HDAC4: variants seen among roughly 807,000 people sequenced by gnomAD.
The protein encoded by HDAC4 is histone deacetylase A.
In HDAC4, 16 loss-of-function variants were observed where a neutral mutation model predicts 135.1. The ratio of observed to expected loss-of-function variants is 0.12; its 90% CI spans 0.08 to 0.18. HDAC4 has a LOEUF of 0.18. Ranked by LOEUF, HDAC4 falls within the 10% of genes least tolerant of loss-of-function variation. HDAC4 has a pLI of 1.00. For missense variants in HDAC4, 1,143 were observed against 1,511.8 expected, an observed-to-expected ratio of 0.76 and a Z score of 4.05; for synonymous variants, 685 against 653.4, an observed-to-expected ratio of 1.05 and a Z score of -0.74.
In HDAC4 at chr2:239,329,081, G is replaced by A. The variant is rs574889430; in HGVS notation, c.22+23597C>T. Among the ~76,000 whole-genome samples the A allele has an allele frequency of 1.4e-4, 22 of 152,338 alleles. No individual in the cohort carries two copies. The South Asian group carries it at 4.4e-3, about 30-fold the overall frequency. ...CCAGGACCCACAGGCAGAGCCCAGG[G>A]CCAACTCCTGGCCCCAGATGGAGGC... On this transcript the variant is annotated intron_variant, in intron 2 of 26. Coordinates refer to ENST00000543185, the MANE Select transcript of HDAC4 (RefSeq NM_001378414.1).
chr2:239,389,499 G>T (rs1182886508), intron 1 of HDAC4, among the ~76,000 whole-genome samples: 1 of 152,110 alleles, frequency 6.6e-6, no homozygotes, highest in Non-Finnish European at 1.5e-5. Context: ...TCACCGCAAA[G>T]GTCTGCAGCT....
chr2:239,397,904 C>A (rs1696672178), intron 1 of HDAC4, among the ~76,000 whole-genome samples: 1 of 152,210 alleles, frequency 6.6e-6, no homozygotes, highest in Non-Finnish European at 1.5e-5. Context: ...CACGGCAGGG[C>A]ATATGCTGAC....
chr2:239,068,655 G>T lies in HDAC4; in HGVS notation c.2751-48C>A. 6.6e-7 allele frequency: 1 copy of T among 1,507,078 alleles called. No homozygotes were observed. The highest frequency in any genetic ancestry group is 9.2e-7 in the Non-Finnish European group (1 of 1,083,200). 93.4% of individuals were successfully genotyped at this position (1,507,078 alleles called of 1,614,324 possible). ...TTACTGGGTCAGCTGAAAGAGGGACGGGACGGTCACAAAACCCCAAGGTTC... is the reference window on the plus strand; with the variant it reads ...TTACTGGGTCAGCTGAAAGAGGGACTGGACGGTCACAAAACCCCAAGGTTC... On this transcript the variant is annotated intron_variant, in intron 22 of 26. Transcript: ENST00000543185. The surrounding 1 kb of genome is among the most constrained non-coding windows in gnomAD (Gnocchi z 4.4).
At chr2:239,339,653 T>G (rs1332697210) in intron 2 of HDAC4, among the ~76,000 whole-genome samples, 5 of 152,168 alleles carry the variant, frequency 3.3e-5, no homozygotes, top group African/African-American at 1.2e-4. Context: ...GAACCACACA[T>G]GTGGCCCGCG....
intron 3 of HDAC4, among the ~76,000 whole-genome samples, chr2:239,210,922 T>C (rs1029026062): frequency 3.9e-5 from 6 of 152,148 alleles, no homozygotes; most frequent in Non-Finnish European, 7.4e-5. Context: ...GGCCAACTCT[T>C]AAAGGGGATT....
intron 2 of HDAC4, among the ~76,000 whole-genome samples, chr2:239,333,137 T>C (rs1691698107): frequency 6.6e-6 from 1 of 152,206 alleles, no homozygotes; most frequent in Non-Finnish European, 1.5e-5. Flanking sequence ...AAATAGCATC[T>C]TTCCTACATA....
intron 6 of HDAC4, among the ~76,000 whole-genome samples, chr2:239,158,910 ACT>A (rs948958491): frequency 2.0e-5 from 3 of 151,272 alleles, no homozygotes; most frequent in African/African-American, 4.9e-5. Context: ...GCACACAATT[ACT>A]CTCACTCACA....
At chr2:239,132,340 C>T (rs188300684) in intron 11 of HDAC4, among the ~76,000 whole-genome samples, 17 of 152,320 alleles carry the variant, frequency 1.1e-4, no homozygotes, top group African/African-American at 2.2e-4. Context: ...ACGCTGCACA[C>T]GTGACACTGG....
chr2:239,156,633 A>C lies in HDAC4; in HGVS notation c.733+19T>G. 1 of 1,614,042 alleles carries C rather than the reference A, an allele frequency of 6.2e-7. No homozygotes were observed. The highest frequency in any genetic ancestry group is 1.3e-5 in the African/African-American group (1 of 75,048). ...CCGTGCAGGAGACCTCCCGGCCCAC[A>C]GCATGCCTGGGCACTGACCTGTTTT... On this transcript the variant is annotated intron_variant, in intron 7 of 26. Transcript: ENST00000543185.
At chr2:239,200,241 C>T (rs890761476) in intron 3 of HDAC4, among the ~76,000 whole-genome samples, 2 of 152,140 alleles carry the variant, frequency 1.3e-5, no homozygotes, top group Non-Finnish European at 2.9e-5. Context: ...TGGAGAGCAC[C>T]TCGCGCTGAA....
At chr2:239,126,750 A>G in intron 11 of HDAC4, 56 bp from the exon 12 acceptor site, 4 of 1,562,424 alleles carry the variant, frequency 2.6e-6, no homozygotes, top group Non-Finnish European at 3.5e-6. Context: ...GAGAGGAGGG[A>G]GAGAGGGCTA....
chr2:239,087,565 G>A lies in HDAC4; in HGVS notation c.2438C>T (p.Thr813Met), dbSNP rs772980393. 2 of 1,613,600 alleles carry A rather than the reference G, an allele frequency of 1.2e-6. No individual in the cohort carries two copies. The highest frequency in any genetic ancestry group is 8.5e-7 in the Non-Finnish European group (1 of 1,179,864). The change falls in exon 19 of 27, where the codon ACG (threonine) becomes ATG (methionine). Residue 813 changes from threonine to methionine, a missense_variant. Coordinates refer to ENST00000543185, the MANE Select transcript of HDAC4 (RefSeq NM_001378414.1). ...RPPGHHAEES[T>M]PMGFCYFNSV... Reference sequence around the variant, plus strand: ...GGCTGCGGCGTGTACTCACATGGGCGTGCTCTCCTCCGCATGGTGTCCAGG... The same window carrying A: ...GGCTGCGGCGTGTACTCACATGGGCATGCTCTCCTCCGCATGGTGTCCAGG...
intron 3 of HDAC4, among the ~76,000 whole-genome samples, chr2:239,215,350 A>T: frequency 6.6e-6 from 1 of 152,188 alleles, no homozygotes; most frequent in East Asian, 1.9e-4. Context: ...GGCAACAGGG[A>T]GTCACTGGTG....
chr2:239,227,572 GGACA>G (rs2047312511), intron 3 of HDAC4, among the ~76,000 whole-genome samples: 1 of 152,188 alleles, frequency 6.6e-6, no homozygotes, highest in African/African-American at 2.4e-5. Context: ...GGCAGAGCCT[GGACA>G]GACAGACAAG....
In HDAC4 at chr2:239,156,719, C is replaced by T. The variant is rs779462699; in HGVS notation, c.666G>A (p.Ser222=). The part of the protein sequence containing the change: ...DQSSPPQSGV[S]TSYNHPVLGM... ...CCAGGACCGGGTGGTTATAGGAGGTCGACACTCCGCTCTGGGGTGGAGAAC... is the reference window on the plus strand; with the variant it reads ...CCAGGACCGGGTGGTTATAGGAGGTTGACACTCCGCTCTGGGGTGGAGAAC... Residue 222 remains serine (S), a synonymous_variant, in exon 7 of 27, where the codon TCG becomes TCA. Coordinates refer to ENST00000543185, the MANE Select transcript of HDAC4 (RefSeq NM_001378414.1). 23 of 1,613,938 alleles carry T rather than the reference C, an allele frequency of 1.4e-5. No homozygotes were observed. Among genetic ancestry groups the T allele is most frequent in the Admixed American group, 1.3e-4 (8 of 59,996 alleles).
chr2:239,226,794 C>T (rs1285279625), intron 3 of HDAC4, among the ~76,000 whole-genome samples: 1 of 152,226 alleles, frequency 6.6e-6, no homozygotes, highest in Non-Finnish European at 1.5e-5. Context: ...CCGGCAGGCT[C>T]ACGGGTGGGG....
intron 1 of HDAC4, among the ~76,000 whole-genome samples, chr2:239,376,213 G>C (rs886518574): frequency 6.6e-6 from 1 of 151,404 alleles, no homozygotes; most frequent in African/African-American, 2.4e-5. Flanking sequence ...AAACAAGGCA[G>C]GTGCTGTGTG....
rs375565547 is a variant in HDAC4, at chr2:239,111,568, C to T, written c.1936G>A (p.Val646Met). ...QSSPASATFPVSVQEPPTKPR... is the reference protein window; with the variant it reads ...QSSPASATFPMSVQEPPTKPR... ...TTGGTGGGGGGCTCCTGCACAGACA[C>T]GGGGAAGGTGGCAGACGCGGGTGAG... Residue 646 changes from valine to methionine, a missense_variant, in exon 14 of 27, where the codon GTG becomes ATG. Physicochemically the swap from Val to Met is conservative, Grantham distance 21. Transcript: ENST00000543185. 23 of 1,612,254 alleles carry T rather than the reference C, an allele frequency of 1.4e-5. No homozygotes were observed. The highest frequency in any genetic ancestry group is 1.3e-4 in the African/African-American group (10 of 74,940).
At chr2:239,199,206 C>T (rs922734659) in intron 3 of HDAC4, among the ~76,000 whole-genome samples, 2 of 151,704 alleles carry the variant, frequency 1.3e-5, no homozygotes, top group Admixed American at 6.6e-5. Context: ...AGGCTCTGTC[C>T]CCCGTTCTTC....
Sources: gnomAD v4.1 joint callset for allele counts (sites outside exome capture counted in the v4.1 genomes callset) on GRCh38, gnomAD v4.1.1 for gene constraint, Gnocchi (gnomAD v3.1) non-coding constraint, MANE v1.5 for transcripts, NCBI Gene and HGNC (gene_info 2026-07-23, HGNC 2026-07-21) for gene names.